FAM168A: variants seen among roughly 807,000 people sequenced by gnomAD.
FAM168A encodes the protein family with sequence similarity 168 member A, also known as protein FAM168A.
FAM168A carries 3 observed loss-of-function variants against 28.5 expected under a neutral mutation model. That is an observed-to-expected ratio of 0.11 (90% CI 0.05 to 0.27). FAM168A has a LOEUF of 0.27. Ranked by LOEUF, FAM168A falls within the 10% of genes least tolerant of loss-of-function variation. The pLI is 1.00. For missense variants in FAM168A, 222 were observed against 311.5 expected, an observed-to-expected ratio of 0.71 and a Z score of 2.16; for synonymous variants, 122 against 124.2, an observed-to-expected ratio of 0.98 and a Z score of 0.12.
chr11:73,525,247 A>C (rs1346488295), intron 1 of FAM168A, among the ~76,000 whole-genome samples: 1 of 152,218 alleles, frequency 6.6e-6, no homozygotes, highest in Non-Finnish European at 1.5e-5. Context: ...ACGTACGAAC[A>C]GTAGAGCATT....
chr11:73,563,006 A>C (rs1273904580), intron 1 of FAM168A, among the ~76,000 whole-genome samples: 2 of 152,192 alleles, frequency 1.3e-5, no homozygotes, highest in Non-Finnish European at 2.9e-5. Context: ...CCTCGTGACC[A>C]GTATTTCTAA....
At chr11:73,590,019 G>T (rs1944363464) in intron 1 of FAM168A, among the ~76,000 whole-genome samples, 1 of 152,162 alleles carries the variant, frequency 6.6e-6, no homozygotes, top group South Asian at 2.1e-4. Flanking sequence ...TACTGAGGCA[G>T]ATCCAATAAG....
intron 1 of FAM168A, among the ~76,000 whole-genome samples, chr11:73,491,320 A>G (rs1343165183): frequency 6.6e-6 from 1 of 152,182 alleles, no homozygotes; most frequent in Non-Finnish European, 1.5e-5. Flanking sequence ...TTGGTCATCC[A>G]TGGTGGAAGC....
chr11:73,516,840 CA>C (rs1943310528), intron 1 of FAM168A, among the ~76,000 whole-genome samples: 1 of 152,086 alleles, frequency 6.6e-6, no homozygotes. Flanking sequence ...TTCATTCATC[CA>C]AAAATATTTA....
chr11:73,514,468 T>G (rs1442424941), intron 1 of FAM168A, among the ~76,000 whole-genome samples: 1 of 152,198 alleles, frequency 6.6e-6, no homozygotes, highest in African/African-American at 2.4e-5. Flanking sequence ...AAAGAACAGT[T>G]AATTGTTTCT....
intron 1 of FAM168A, among the ~76,000 whole-genome samples, chr11:73,498,360 G>A (rs545818639): frequency 1.6e-4 from 24 of 152,226 alleles, no homozygotes; most frequent in East Asian, 1.5e-3. Context: ...GAATGAGCAC[G>A]CTACCCAGCC....
Position 73,407,497 on chromosome 11 carries a change from C to A in FAM168A, c.*18+16G>T. 3.3e-6 allele frequency: 5 copies of A among 1,525,658 alleles called. No individual in the cohort carries two copies. Among genetic ancestry groups the A allele is most frequent in the Non-Finnish European group, 4.4e-6 (5 of 1,138,462 alleles). The allele number at this position is 1,525,658 out of a possible 1,614,324, so 94.5% of individuals were successfully genotyped here. On this transcript the variant is annotated intron_variant, in intron 7 of 7. Coordinates refer to ENST00000356467, the MANE Select transcript of FAM168A (RefSeq NM_015159.3). ...ATGTATCCCCCTCCCACTTCTCTCA[C>A]CCTGGCCACACTCACTTGGATGGGC...
intron 2 of FAM168A, among the ~76,000 whole-genome samples, chr11:73,440,961 T>C (rs540361953): frequency 3.3e-5 from 5 of 151,624 alleles, no homozygotes; most frequent in Admixed American, 2.0e-4. Context: ...AAAGAAACCA[T>C]ACAGCTGACT....
chr11:73,550,180 C>T (rs1168437345), intron 1 of FAM168A, among the ~76,000 whole-genome samples: 2 of 152,040 alleles, frequency 1.3e-5, no homozygotes, highest in African/African-American at 2.4e-5. Flanking sequence ...AAATAAATTG[C>T]GTTGGTAGAC....
intron 2 of FAM168A, among the ~76,000 whole-genome samples, chr11:73,458,003 G>A (rs748352037): frequency 7.2e-5 from 11 of 152,050 alleles, no homozygotes; most frequent in Non-Finnish European, 1.5e-4. Flanking sequence ...GCACTCCACT[G>A]ACAGTAATTA....
At chr11:73,569,747 G>T (rs749473402) in intron 1 of FAM168A, among the ~76,000 whole-genome samples, 1 of 151,908 alleles carries the variant, frequency 6.6e-6, no homozygotes, top group Non-Finnish European at 1.5e-5. Context: ...ACTTGAACCC[G>T]GGGGGATCGG....
intron 2 of FAM168A, among the ~76,000 whole-genome samples, chr11:73,464,225 CAA>C (rs1436055939): frequency 6.9e-6 from 1 of 145,246 alleles, no homozygotes; most frequent in Non-Finnish European, 1.5e-5. Flanking sequence ...AAAAATCCCA[CAA>C]AAGTTCTTTG....
intron 1 of FAM168A, among the ~76,000 whole-genome samples, chr11:73,566,136 AAATGCAC>A (rs1301733928): frequency 8.5e-5 from 13 of 152,256 alleles, no homozygotes; most frequent in African/African-American, 2.9e-4. Context: ...CAGATGGTTT[AAATGCAC>A]AATAAGTGAG....
chr11:73,499,722 G>A (rs1425876441), intron 1 of FAM168A, among the ~76,000 whole-genome samples: 1 of 152,032 alleles, frequency 6.6e-6, no homozygotes, highest in African/African-American at 2.4e-5. Flanking sequence ...AGAACTTCAT[G>A]AGGCACACCC....
At chr11:73,559,681 G>A (rs1213746675) in intron 1 of FAM168A, among the ~76,000 whole-genome samples, 1 of 152,182 alleles carries the variant, frequency 6.6e-6, no homozygotes, top group Non-Finnish European at 1.5e-5. Context: ...CTTCTTTTTA[G>A]GGTGATCAAT....
intron 4 of FAM168A, among the ~76,000 whole-genome samples, chr11:73,414,994 ACTGTATGCC>A (rs1866673425): frequency 1.3e-5 from 2 of 152,252 alleles, no homozygotes; most frequent in Admixed American, 1.3e-4. Flanking sequence ...TGGATTACCC[ACTGTATGCC>A]ACAAGGACAG....
chr11:73,417,998 G>C (rs1207595888), intron 4 of FAM168A, among the ~76,000 whole-genome samples: 1 of 152,102 alleles, frequency 6.6e-6, no homozygotes, highest in Admixed American at 6.5e-5. Context: ...AGGCCTCATC[G>C]TTCAAACTGG....
chr11:73,569,749 G>A (rs561619112), intron 1 of FAM168A, among the ~76,000 whole-genome samples: 5 of 152,082 alleles, frequency 3.3e-5, no homozygotes, highest in African/African-American at 7.2e-5. Flanking sequence ...TTGAACCCGG[G>A]GGGATCGGAG....
intron 1 of FAM168A, among the ~76,000 whole-genome samples, 198 bp downstream of exon 1, chr11:73,597,724 AC>A (rs146158951): frequency 0.088 from 10,908 of 123,628 alleles, 563 homozygotes; most frequent in Admixed American, 0.12. Flanking sequence ...CCGCCCCCCA[AC>A]CTGCTTGGGT....
Sources: gnomAD v4.1 joint callset for allele counts (sites outside exome capture counted in the v4.1 genomes callset) on GRCh38, gnomAD v4.1.1 for gene constraint, MANE v1.5 for transcripts, NCBI Gene and HGNC (gene_info 2026-07-23, HGNC 2026-07-21) for gene names.